RNF144A: variants seen among roughly 807,000 people sequenced by gnomAD.
The protein encoded by RNF144A is ring finger protein 144A.
RNF144A carries 11 observed loss-of-function variants against 38.7 expected under a neutral mutation model. The ratio of observed to expected loss-of-function variants is 0.28; its 90% CI spans 0.18 to 0.47. RNF144A has a LOEUF of 0.47. RNF144A is among the 20% of genes least tolerant of loss of function. The probability of loss-of-function intolerance (pLI) is 0.99; values close to 1 mark genes in which losing one functional copy is unlikely to be tolerated. For synonymous variants in RNF144A, 149 were observed against 143.9 expected, an observed-to-expected ratio of 1.04 and a Z score of -0.25; for missense variants, 316 against 377.2, an observed-to-expected ratio of 0.84 and a Z score of 1.34.
chr2:7,074,441 C>A, the RNF144A span: 4 of 152,160 alleles, frequency 2.6e-5, no homozygotes, highest in Non-Finnish European at 5.9e-5. Context: ...TTATGGATTT[C>A]TAGTTGACAC....
rs1665987880 is a variant in RNF144A at position 6,941,643 on chromosome 2, A to G, written c.-12+496A>G. ...GCCGGAAGCAAATTATATACTATGC[A>G]ACAAGGCCTAGATATTGTAGAGAAA... On this transcript the variant is annotated intron_variant, in intron 2 of 8. Coordinates refer to ENST00000320892, the MANE Select transcript of RNF144A (RefSeq NM_014746.6). This position sits in a 1 kb window ranked among gnomAD's most constrained non-coding sequence, Gnocchi z 6.5. Among the ~76,000 whole-genome samples the G allele has an allele frequency of 6.6e-6, 1 of 152,260 alleles. No homozygotes were observed. Among genetic ancestry groups the G allele is most frequent in the African/African-American group, 2.4e-5 (1 of 41,464 alleles).
chr2:6,977,101 T>C (rs966648872), intron 2 of RNF144A, among the ~76,000 whole-genome samples: 5 of 152,248 alleles, frequency 3.3e-5, no homozygotes, highest in Admixed American at 3.3e-4. Flanking sequence ...AAAGTGTTAG[T>C]TCATTGTATG....
intron 2 of RNF144A, among the ~76,000 whole-genome samples, chr2:6,976,507 C>T (rs563216613): frequency 5.3e-5 from 8 of 150,788 alleles, no homozygotes; most frequent in Non-Finnish European, 1.2e-4. Context: ...CAATGTTTTT[C>T]GTTTTGTTAT....
chr2:7,054,171 CAG>C (rs35950296), intron 6 of RNF144A, among the ~76,000 whole-genome samples: 51,368 of 151,824 alleles, frequency 0.34, 10,051 homozygotes, highest in South Asian at 0.54. Flanking sequence ...ACAAGGCAGA[CAG>C]TGTGAGAAAG....
chr2:6,984,712 T>C (rs2103368498), intron 2 of RNF144A, among the ~76,000 whole-genome samples: 1 of 152,372 alleles, frequency 6.6e-6, no homozygotes, highest in East Asian at 1.9e-4. Flanking sequence ...TTGCTATACA[T>C]TGGGAAAATA....
chr2:6,949,036 T>C (rs950963377), intron 2 of RNF144A, among the ~76,000 whole-genome samples: 16 of 152,196 alleles, frequency 1.1e-4, no homozygotes, highest in Admixed American at 8.5e-4. Flanking sequence ...GCGTAGGCCA[T>C]GCGAGGTGAC....
Position 7,040,238 on chromosome 2 carries a change from C to T in RNF144A, c.*478C>T, listed in dbSNP as rs1572465231. 1.0e-6 allele frequency: 1 copy of T among 985,690 alleles called. No individual in the cohort carries two copies. The highest frequency in any genetic ancestry group is 1.1e-4 in the East Asian group (1 of 8,822). 61.1% of individuals were successfully genotyped at this position (985,690 alleles called of 1,614,324 possible). On this transcript the variant is annotated 3_prime_UTR_variant, in exon 9 of 9. Transcript: ENST00000320892. ...TATTACTAATGGCATTTAGTAAAAT[C>T]CTTTTTAGAAGGTATTTTTTTTCCA...
At chr2:7,016,344 A>G (rs1379724356) in intron 5 of RNF144A, among the ~76,000 whole-genome samples, 1 of 152,174 alleles carries the variant, frequency 6.6e-6, no homozygotes, top group Non-Finnish European at 1.5e-5. Context: ...GGCTCTTCTG[A>G]GAATATTTTC....
intron 2 of RNF144A, among the ~76,000 whole-genome samples, chr2:6,994,074 C>CA (rs957807368): frequency 1.1e-4 from 17 of 151,720 alleles, no homozygotes; most frequent in African/African-American, 2.7e-4. Context: ...ACCAAGTGGC[C>CA]AAAAAAAAGG....
downstream of RNF144A, among the ~76,000 whole-genome samples, chr2:7,072,137 A>G (rs1674506739): frequency 6.6e-6 from 1 of 152,250 alleles, no homozygotes; most frequent in Non-Finnish European, 1.5e-5. Flanking sequence ...TAGCTTTGGC[A>G]TTGGGCAATG....
rs1666125366 is a variant in RNF144A at position 6,943,155 on chromosome 2, A to T, written c.-12+2008A>T. Among the ~76,000 whole-genome samples the T allele has an allele frequency of 2.0e-5, 3 of 152,218 alleles. No individual in the cohort carries two copies. The South Asian group carries it at 6.2e-4, about 32-fold the overall frequency. On this transcript the variant is annotated intron_variant, in intron 2 of 8. Transcript: ENST00000320892. The surrounding 1 kb of genome is among the most constrained non-coding windows in gnomAD (Gnocchi z 4.3). ...TCTTTGGCCTCTGTTTGGTATTTCA[A>T]GGAATAAGATCAGATGAGATCCCCA...
At chr2:6,990,348 A>G (rs1669250298) in intron 2 of RNF144A, among the ~76,000 whole-genome samples, 1 of 148,288 alleles carries the variant, frequency 6.7e-6, no homozygotes, top group Non-Finnish European at 1.5e-5. Flanking sequence ...TTTAACCTTA[A>G]TTTAACCTTA....
chr2:7,025,872 A>G (rs1267149244), intron 7 of RNF144A, among the ~76,000 whole-genome samples: 1 of 152,106 alleles, frequency 6.6e-6, no homozygotes, highest in East Asian at 1.9e-4. Context: ...TCTCATTCAA[A>G]TAAAGCGGGG....
At chr2:7,070,595 G>T (rs773810429), downstream of RNF144A, among the ~76,000 whole-genome samples, 1 of 152,106 alleles carries the variant, frequency 6.6e-6, no homozygotes, top group Non-Finnish European at 1.5e-5. Context: ...ATCAAGTTAG[G>T]ATGAGGTTAT....
chr2:6,977,917 G>A (rs2103357238), intron 2 of RNF144A, among the ~76,000 whole-genome samples: 1 of 152,288 alleles, frequency 6.6e-6, no homozygotes, highest in East Asian at 1.9e-4. Context: ...GTGTCGGGGG[G>A]AGCTGTTGGG....
chr2:6,928,279 C>T (rs374273916), intron 1 of RNF144A, among the ~76,000 whole-genome samples: 8 of 152,352 alleles, frequency 5.3e-5, no homozygotes, highest in African/African-American at 1.9e-4. Flanking sequence ...GCTCTACTGT[C>T]AAAATCTACC....
At chr2:6,978,500 A>C (rs1327266727) in intron 2 of RNF144A, 4 of 152,070 alleles carry the variant, frequency 2.6e-5, no homozygotes, top group African/African-American at 9.7e-5. Flanking sequence ...GGGAATAATT[A>C]CTCCACACAG....
At chr2:7,021,901 T>C (rs1447186248) in intron 6 of RNF144A, among the ~76,000 whole-genome samples, 2 of 152,254 alleles carry the variant, frequency 1.3e-5, no homozygotes, top group Admixed American at 6.5e-5. Flanking sequence ...TTAGTTTTCT[T>C]TATCTGTGAC....
At chr2:6,947,191 A>G (rs967940770) in intron 2 of RNF144A, among the ~76,000 whole-genome samples, 3 of 152,124 alleles carry the variant, frequency 2.0e-5, no homozygotes, top group Admixed American at 1.3e-4. Context: ...AAACTTAAAG[A>G]GAAAAAATCC....
Sources: gnomAD v4.1 joint callset for allele counts (sites outside exome capture counted in the v4.1 genomes callset) on GRCh38, gnomAD v4.1.1 for gene constraint, Gnocchi (gnomAD v3.1) non-coding constraint, MANE v1.5 for transcripts, NCBI Gene and HGNC (gene_info 2026-07-23, HGNC 2026-07-21) for gene names.